The following NBAS variants were observed in gnomAD, a reference collection of about 807,000 sequenced individuals.
NBAS encodes NBAS subunit of NRZ tethering complex.
NBAS carries 219 observed loss-of-function variants against 302.5 expected under a neutral mutation model. That is an observed-to-expected ratio of 0.72 (90% CI 0.65 to 0.81). NBAS has a LOEUF of 0.81. Among genes scored for constraint, NBAS ranks in the 30% least tolerant of loss-of-function variants. NBAS has a pLI of 0.00. For synonymous variants in NBAS, 1,118 were observed against 1,021.6 expected (o/e 1.09, Z -1.80); for missense variants, 2,932 against 2,841.6 (o/e 1.03, Z -0.72).
intron 31 of NBAS, among the ~76,000 whole-genome samples, chr2:15,371,830 G>A (rs1003776168): frequency 1.3e-5 from 2 of 152,126 alleles, no homozygotes; most frequent in African/African-American, 4.8e-5. Flanking sequence ...AGAATCTGAG[G>A]AAGAAAAGAA....
At chr2:15,446,326 C>A (rs1678741648) in intron 21 of NBAS, among the ~76,000 whole-genome samples, 1 of 151,892 alleles carries the variant, frequency 6.6e-6, no homozygotes, top group Non-Finnish European at 1.5e-5. Context: ...ACACATCATG[C>A]AAAGAGAAAC....
the NBAS span, among the ~76,000 whole-genome samples, chr2:14,842,407 A>G: frequency 2.0e-5 from 3 of 152,082 alleles, no homozygotes; most frequent in South Asian, 4.1e-4. Context: ...GGTAAACAAA[A>G]TTAATAAACT....
chr2:15,362,734 G>T (rs1393379306), intron 32 of NBAS, among the ~76,000 whole-genome samples: 4 of 152,088 alleles, frequency 2.6e-5, no homozygotes, highest in African/African-American at 7.2e-5. Context: ...GAAAGGTCCA[G>T]ATTATAATTT....
intron 21 of NBAS, among the ~76,000 whole-genome samples, chr2:15,432,661 G>C (rs1677822029): frequency 6.6e-6 from 1 of 152,114 alleles, no homozygotes; most frequent in Non-Finnish European, 1.5e-5. Flanking sequence ...TTAAAATGTG[G>C]AGTTATATTT....
At chr2:15,468,135 G>A (rs1472498261) in intron 17 of NBAS, among the ~76,000 whole-genome samples, 1 of 97,344 alleles carries the variant, frequency 1.0e-5, no homozygotes, top group Non-Finnish European at 2.4e-5. Context: ...TCTACTTAAG[G>A]TCTTCAAATG....
chr2:15,364,088 C>T (rs1674073634), intron 32 of NBAS, among the ~76,000 whole-genome samples: 1 of 152,278 alleles, frequency 6.6e-6, no homozygotes, highest in South Asian at 2.1e-4. Flanking sequence ...TGTGAATGAG[C>T]CCTCTTAGAA....
the NBAS span, among the ~76,000 whole-genome samples, chr2:15,056,828 T>G: frequency 6.9e-5 from 9 of 130,690 alleles, no homozygotes; most frequent in African/African-American, 3.1e-4. Flanking sequence ...TTTTCTTTTT[T>G]TTTTCTTTTT....
chr2:15,050,423 C>T, the NBAS span, among the ~76,000 whole-genome samples: 2 of 152,052 alleles, frequency 1.3e-5, no homozygotes, highest in Non-Finnish European at 2.9e-5. Context: ...GAATGGAGTG[C>T]CTATAATGTA....
chr2:15,392,562 T>G (rs1675661819), intron 28 of NBAS, among the ~76,000 whole-genome samples: 1 of 151,916 alleles, frequency 6.6e-6, no homozygotes, highest in African/African-American at 2.4e-5. Flanking sequence ...AAGAATAATT[T>G]AACAAAATAA....
In NBAS at chr2:15,523,234, G is replaced by A. The variant is rs116928469; in HGVS notation, c.746+11309C>T. Among the ~76,000 whole-genome samples, 12 of 152,230 alleles carry A rather than the reference G, an allele frequency of 7.9e-5. No individual in the cohort carries two copies. In the East Asian group the frequency reaches 2.3e-3, roughly 29 times the overall value. On this transcript the variant is annotated intron_variant, in intron 9 of 51. Coordinates refer to ENST00000281513, the MANE Select transcript of NBAS (RefSeq NM_015909.4). ...ACCTCGAGAGATTACTTTTTACTAT[G>A]ATACGCAATTTCCCGGAGAGACTAA... is the stretch of plus-strand genomic sequence containing the variant.
chr2:14,886,147 A>G, the NBAS span, among the ~76,000 whole-genome samples: 1 of 152,094 alleles, frequency 6.6e-6, no homozygotes, highest in Non-Finnish European at 1.5e-5. Context: ...AGATAAGCTC[A>G]GTCTCCATAG....
chr2:14,924,299 T>C, the NBAS span, among the ~76,000 whole-genome samples: 1 of 152,222 alleles, frequency 6.6e-6, no homozygotes, highest in Admixed American at 6.5e-5. Context: ...CCCAAAAATA[T>C]ATTCAGGAAT....
At chr2:15,223,552 A>C (rs1022253767) in intron 47 of NBAS, among the ~76,000 whole-genome samples, 3 of 152,186 alleles carry the variant, frequency 2.0e-5, no homozygotes, top group African/African-American at 7.2e-5. Flanking sequence ...TTATAAGGGT[A>C]ATACAAATGA....
At chr2:15,280,394 C>G (rs745734660) in intron 42 of NBAS, among the ~76,000 whole-genome samples, 1 of 151,606 alleles carries the variant, frequency 6.6e-6, no homozygotes, top group Non-Finnish European at 1.5e-5. Flanking sequence ...AGAAGGCTGC[C>G]GGGAGAGGGG....
chr2:15,110,919 A>G, the NBAS span, among the ~76,000 whole-genome samples: 2 of 152,292 alleles, frequency 1.3e-5, no homozygotes, highest in East Asian at 3.9e-4. Flanking sequence ...AAGAAACATA[A>G]TGCTTGGAGC....
the NBAS span, among the ~76,000 whole-genome samples, chr2:14,913,886 C>T: frequency 1.3e-5 from 2 of 152,082 alleles, no homozygotes; most frequent in Non-Finnish European, 1.5e-5. Flanking sequence ...TCAATCCTAG[C>T]CTTATGGAAA....
chr2:14,979,630 G>A, the NBAS span, among the ~76,000 whole-genome samples: 1 of 152,036 alleles, frequency 6.6e-6, no homozygotes, highest in Admixed American at 6.5e-5. Flanking sequence ...TCTACTACTA[G>A]TCTACATAAG....
At chr2:15,023,304 T>G in the NBAS span, among the ~76,000 whole-genome samples, 12 of 152,120 alleles carry the variant, frequency 7.9e-5, no homozygotes, top group Non-Finnish European at 1.6e-4. Context: ...ATTTATGTAT[T>G]CAATTATTGA....
At chr2:15,244,835 C>T (rs1264936165) in intron 44 of NBAS, among the ~76,000 whole-genome samples, 3 of 152,096 alleles carry the variant, frequency 2.0e-5, no homozygotes, top group Non-Finnish European at 4.4e-5. Flanking sequence ...TGGTTTCTAC[C>T]ACACATCTTA....
Sources: allele counts gnomAD v4.1 joint callset (sites outside exome capture counted in the v4.1 genomes callset), GRCh38; gene constraint gnomAD v4.1.1; transcripts MANE v1.5; gene names NCBI Gene and HGNC (gene_info 2026-07-23, HGNC 2026-07-21).